Variants in CCDC190 observed in about 807,000 individuals in gnomAD.
CCDC190 encodes the protein coiled-coil domain containing 190.
Under a neutral mutation model 13.1 loss-of-function variants are expected in CCDC190, and 10 were observed. The observed-to-expected ratio is 0.77, with a 90% CI of 0.47 to 1.30. The LOEUF is 1.30. Among genes scored for constraint, CCDC190 ranks in the 50% most tolerant of loss-of-function variants. The pLI is 0.00. For missense variants in CCDC190, 375 were observed against 354.3 expected (o/e 1.06, Z -0.47); for synonymous variants, 136 against 127.2 (o/e 1.07, Z -0.47).
Position 162,854,522 on chromosome 1 carries a change from G to T in CCDC190, c.*243C>A. 1 of 1,255,188 alleles carries T rather than the reference G, an allele frequency of 8.0e-7. No homozygotes were observed. Among genetic ancestry groups the T allele is most frequent in the East Asian group, 3.4e-5 (1 of 29,478 alleles). 77.8% of individuals were successfully genotyped at this position (1,255,188 alleles called of 1,614,324 possible). ...GTCATCAATATATATTCATATTTTT[G>T]ATGACATCATAAACATATCACTTAA... On this transcript the variant is annotated 3_prime_UTR_variant, in exon 4 of 4. Coordinates refer to ENST00000367912, the MANE Select transcript of CCDC190 (RefSeq NM_001394065.1).
At chr1:162,863,067 C>T (rs1244488895), upstream of CCDC190, among the ~76,000 whole-genome samples, 1 of 152,014 alleles carries the variant, frequency 6.6e-6, no homozygotes, top group African/African-American at 2.4e-5. Flanking sequence ...ATAAAGCTAT[C>T]ATTCTCAGAT....
At position 162,855,298 on chromosome 1, in the gene CCDC190, G is replaced by A; in HGVS notation, c.373C>T (p.His125Tyr). ...ATGGGGTCTTTGAGGCCAGCATCAT[G>A]TGAAGGAGGCACCTGGGACTTGCTT... Reference protein sequence around the residue: ...CKSKSQVPPSHDAGLKDPMKS... With the variant: ...CKSKSQVPPSYDAGLKDPMKS... Residue 125 changes from histidine (H) to tyrosine (Y), a missense_variant, in exon 4 of 4, where the codon CAT (histidine) becomes TAT (tyrosine). Coordinates refer to ENST00000367912, the MANE Select transcript of CCDC190 (RefSeq NM_001394065.1). 1 of 1,613,530 alleles carries A rather than the reference G, an allele frequency of 6.2e-7. No individual in the cohort carries two copies. Among genetic ancestry groups the A allele is most frequent in the Non-Finnish European group, 8.5e-7 (1 of 1,179,860 alleles).
At position 162,854,409 on chromosome 1, in the gene CCDC190, C is replaced by T. The variant is rs898580492; in HGVS notation, c.*356G>A. ...ACTAAAACAGAGAGAATAGCTATGC[C>T]GTTTTGCCAGCAGGTGGCACCATGA... On this transcript the variant is annotated 3_prime_UTR_variant, in exon 4 of 4. Transcript: ENST00000367912. 46 of 1,045,688 alleles carry T rather than the reference C, an allele frequency of 4.4e-5. No individual in the cohort carries two copies. The highest frequency in any genetic ancestry group is 2.2e-4 in the South Asian group (6 of 27,050). 64.8% of individuals were successfully genotyped at this position (1,045,688 alleles called of 1,614,324 possible).
chr1:162,851,459 A>G lies in CCDC190; in HGVS notation c.*3306T>C, dbSNP rs1222164623. 2 of 151,938 alleles carry G rather than the reference A, an allele frequency of 1.3e-5. No homozygotes were observed. The highest frequency in any genetic ancestry group is 1.3e-4 in the Admixed American group (2 of 15,256). The allele number at this position is 151,938 out of a possible 1,614,324, so 9.4% of individuals were successfully genotyped here. On this transcript the variant is annotated 3_prime_UTR_variant, in exon 4 of 4. Transcript: ENST00000367912. ...CGTGATTCCCTCTGTCCTTCCTTCAAGGCTCATTTCACCCTGAGAGGAGCT... is the reference window on the plus strand; with the variant it reads ...CGTGATTCCCTCTGTCCTTCCTTCAGGGCTCATTTCACCCTGAGAGGAGCT...
rs924696656 is a variant in CCDC190, at chr1:162,853,274, G to T, written c.*1491C>A. On this transcript the variant is annotated 3_prime_UTR_variant, in exon 4 of 4. Coordinates refer to ENST00000367912, the MANE Select transcript of CCDC190 (RefSeq NM_001394065.1). Reference sequence around the variant, plus strand: ...AAATTGAGTAGAAGAGAGATCAAATGCTAGTCTGCCATCTATTAGCAAGTT... The same window carrying T: ...AAATTGAGTAGAAGAGAGATCAAATTCTAGTCTGCCATCTATTAGCAAGTT... The T allele has an allele frequency of 1.1e-5, 8 of 730,238 alleles. No individual in the cohort carries two copies. Among genetic ancestry groups the T allele is most frequent in the African/African-American group, 9.0e-5 (5 of 55,832 alleles). The allele number at this position is 730,238 out of a possible 1,614,324, so 45.2% of individuals were successfully genotyped here.
chr1:162,854,399 AT>A lies in CCDC190; in HGVS notation c.*365del. Reference sequence around the variant, plus strand: ...TATATATCAAACTAAAACAGAGAGAATAGCTATGCCGTTTTGCCAGCAGGTG... The same window carrying A: ...TATATATCAAACTAAAACAGAGAGAAAGCTATGCCGTTTTGCCAGCAGGTG... On this transcript the variant is annotated 3_prime_UTR_variant, in exon 4 of 4. Transcript: ENST00000367912. The A allele has an allele frequency of 9.6e-7, 1 of 1,038,396 alleles. No individual in the cohort carries two copies. Among genetic ancestry groups the A allele is most frequent in the Non-Finnish European group, 1.2e-6 (1 of 862,334 alleles). 64.3% of individuals were successfully genotyped at this position (1,038,396 alleles called of 1,614,324 possible). A position where few individuals can be genotyped will look rare whatever the true frequency, so the allele number is the denominator to read the frequency against.
Position 162,859,511 on chromosome 1 carries a change from GC to G in CCDC190, c.135del (p.Leu45PhefsTer2). 6.2e-7 allele frequency: 1 copy of G among 1,613,668 alleles called. No individual in the cohort carries two copies. The highest frequency in any genetic ancestry group is 8.5e-7 in the Non-Finnish European group (1 of 1,179,754). ...TGGAGCTGCCTCTGCTCCCAGGTCA[GC>G]AATTTCACATGGTAGAGGCAAATAA... ...LKVICLYHVK[L>X]LTWEQRQLQK... On this transcript the variant is annotated frameshift_variant, in exon 2 of 4. Coordinates refer to ENST00000367912, the MANE Select transcript of CCDC190 (RefSeq NM_001394065.1). LOFTEE classifies it high-confidence loss of function.
In CCDC190 at chr1:162,853,739, T is replaced by A. The variant is rs1482137874; in HGVS notation, c.*1026A>T. On this transcript the variant is annotated 3_prime_UTR_variant, in exon 4 of 4. Transcript: ENST00000367912. ...CTGGAATTAAAGTTTGTTATTGGGC[T>A]GAAGATTTGAATTTACCCACCACAG... 6.6e-6 allele frequency among the ~76,000 whole-genome samples: 1 copy of A among 152,200 alleles called. No homozygotes were observed. The highest frequency in any genetic ancestry group is 2.1e-4 in the South Asian group (1 of 4,832).
intron 3 of CCDC190, 58 bp downstream of exon 3, chr1:162,855,574 G>A (rs868774458): frequency 6.3e-7 from 1 of 1,593,538 alleles, no homozygotes; most frequent in East Asian, 2.2e-5. Flanking sequence ...GTTTAAAGAG[G>A]TCATTTGGGA....
intron 2 of CCDC190, among the ~76,000 whole-genome samples, chr1:162,856,948 T>C (rs1435585684): frequency 6.6e-5 from 10 of 152,194 alleles, no homozygotes; most frequent in Admixed American, 6.5e-4. Context: ...TTCTGAAATT[T>C]AGACCTATGG....
rs116278561 is a variant in CCDC190, at chr1:162,857,845, G to A, written c.187+1615C>T. Among the ~76,000 whole-genome samples, 546 of 152,222 alleles carry A rather than the reference G, an allele frequency of 3.6e-3. 3 individuals are homozygous for A. Among genetic ancestry groups the A allele is most frequent in the African/African-American group, 0.012 (498 of 41,544 alleles). On this transcript the variant is annotated intron_variant, in intron 2 of 3. Transcript: ENST00000367912. ...GCAGAGACCATGCTTTTTCATATTT[G>A]CATTCCAGACTCTACCTGAGTAGCT...
At chr1:162,862,746 A>G (rs1650564416), upstream of CCDC190, among the ~76,000 whole-genome samples, 1 of 152,208 alleles carries the variant, frequency 6.6e-6, no homozygotes, top group Non-Finnish European at 1.5e-5. Context: ...TGCCTCCTCT[A>G]TTCTCTCCTA....
At position 162,854,699 on chromosome 1, in the gene CCDC190, A is replaced by T; in HGVS notation, c.*66T>A. The T allele has an allele frequency of 6.6e-7, 1 of 1,519,158 alleles. No individual in the cohort carries two copies. The highest frequency in any genetic ancestry group is 8.8e-7 in the Non-Finnish European group (1 of 1,136,070). The allele number at this position is 1,519,158 out of a possible 1,614,324, so 94.1% of individuals were successfully genotyped here. On this transcript the variant is annotated 3_prime_UTR_variant, in exon 4 of 4. Transcript: ENST00000367912. The stretch of plus-strand genomic sequence containing the variant: ...TGTTTTTCTCTGTATTGCTTAATAT[A>T]GTCATTTGAGGAACACATTTCCTTA...
chr1:162,861,427 G>T (rs920022211), upstream of CCDC190, among the ~76,000 whole-genome samples: 1 of 148,232 alleles, frequency 6.7e-6, no homozygotes, highest in Non-Finnish European at 1.5e-5. Context: ...CCCTTTCCTC[G>T]TTTCTCTCCA....
At chr1:162,858,931 CA>C (rs1363547780) in intron 2 of CCDC190, among the ~76,000 whole-genome samples, 2 of 152,186 alleles carry the variant, frequency 1.3e-5, no homozygotes, top group Non-Finnish European at 2.9e-5. Context: ...AACTTCATAA[CA>C]TAGGAAATAC....
In CCDC190 at chr1:162,859,390, A is replaced by G. The variant is rs1229116604; in HGVS notation, c.187+70T>C. On this transcript the variant is annotated intron_variant, in intron 2 of 3. Transcript: ENST00000367912. Reference sequence around the variant, plus strand: ...GCACTCAGAGCTCTGAAAGGGCCTCAGCGGAGTGATGGGCCTGCTGCCCTG... The same window carrying G: ...GCACTCAGAGCTCTGAAAGGGCCTCGGCGGAGTGATGGGCCTGCTGCCCTG... 6 of 1,406,874 alleles carry G rather than the reference A, an allele frequency of 4.3e-6. No homozygotes were observed. The African/African-American group carries it at 8.6e-5, about 20-fold the overall frequency. The allele number at this position is 1,406,874 out of a possible 1,614,324, so 87.1% of individuals were successfully genotyped here. A position where few individuals can be genotyped will look rare whatever the true frequency, so the allele number is the denominator to read the frequency against.
upstream of CCDC190, among the ~76,000 whole-genome samples, chr1:162,864,500 T>C (rs911338154): frequency 6.6e-6 from 1 of 152,104 alleles, no homozygotes; most frequent in Non-Finnish European, 1.5e-5. Flanking sequence ...GTTATATAAA[T>C]CTCTTTAAAA....
In CCDC190 at chr1:162,855,618, A is replaced by C. The variant is rs375996919; in HGVS notation, c.311+14T>G. 7.4e-6 allele frequency: 12 copies of C among 1,612,446 alleles called. No homozygotes were observed. The African/African-American group carries it at 1.5e-4, about 20-fold the overall frequency. ...TTAATGTCATACCCATGGGTTTAGT[A>C]ATCCATTTCTTACCTCATTTTCTTA... On this transcript the variant is annotated intron_variant, in intron 3 of 3. Transcript: ENST00000367912.
At chr1:162,860,330 G>A (rs1022235142) in intron 1 of CCDC190, among the ~76,000 whole-genome samples, 1 of 152,148 alleles carries the variant, frequency 6.6e-6, no homozygotes, top group African/African-American at 2.4e-5. Flanking sequence ...AAGCTGCTTA[G>A]ACTGGGCGAA....
Sources: gnomAD v4.1 joint callset for allele counts (sites outside exome capture counted in the v4.1 genomes callset) on GRCh38, gnomAD v4.1.1 for gene constraint, MANE v1.5 for transcripts, NCBI Gene and HGNC (gene_info 2026-07-23, HGNC 2026-07-21) for gene names.